PITPNC1: variants seen among roughly 807,000 people sequenced by gnomAD.
PITPNC1 encodes phosphatidylinositol transfer protein cytoplasmic 1, also known as cytoplasmic phosphatidylinositol transfer protein 1.
PITPNC1 carries 18 observed loss-of-function variants against 44.7 expected under a neutral mutation model. That is an observed-to-expected ratio of 0.40 (90% CI 0.28 to 0.60). The LOEUF (loss-of-function observed/expected upper bound fraction) is 0.60. Among genes scored for constraint, PITPNC1 ranks in the 20% least tolerant of loss-of-function variants. PITPNC1 has a pLI of 0.39. For synonymous variants in PITPNC1, 141 were observed against 149.6 expected, an observed-to-expected ratio of 0.94 and a Z score of 0.42; for missense variants, 290 against 418.4, an observed-to-expected ratio of 0.69 and a Z score of 2.68.
chr17:67,654,737 A>G (rs970779494), intron 6 of PITPNC1, among the ~76,000 whole-genome samples: 2 of 152,124 alleles, frequency 1.3e-5, no homozygotes, highest in African/African-American at 4.8e-5. Context: ...GGTTCAAGTG[A>G]TTCTCCTGCC....
intron 1 of PITPNC1, among the ~76,000 whole-genome samples, chr17:67,490,204 T>A (rs1470236428): frequency 1.3e-5 from 2 of 150,792 alleles, no homozygotes; most frequent in Non-Finnish European, 2.9e-5. Flanking sequence ...GAGCTAAGAA[T>A]GAGGAATGAG....
At chr17:67,609,168 G>A (rs1329795171) in intron 5 of PITPNC1, among the ~76,000 whole-genome samples, 3 of 150,894 alleles carry the variant, frequency 2.0e-5, no homozygotes, top group African/African-American at 7.3e-5. Context: ...AGCCTTCCCT[G>A]TATTTTATTT....
In PITPNC1 at chr17:67,545,223, G is replaced by A. The variant is rs191912596; in HGVS notation, c.198-7034G>A. ...GCTACTCAGGAGGCTGAGGCAGGAG[G>A]ACTGCTTGAGCCCAAGGGTTCAGGG... On this transcript the variant is annotated intron_variant, in intron 2 of 8. Coordinates refer to ENST00000581322, the MANE Select transcript of PITPNC1 (RefSeq NM_012417.4). Among the ~76,000 whole-genome samples, 190 of 152,076 alleles carry A rather than the reference G, an allele frequency of 1.2e-3. 1 individual carries two copies. The highest frequency in any genetic ancestry group is 4.1e-3 in the African/African-American group (169 of 41,500).
At chr17:67,467,032 AG>A (rs998312540) in intron 1 of PITPNC1, among the ~76,000 whole-genome samples, 2 of 150,056 alleles carry the variant, frequency 1.3e-5, no homozygotes, top group African/African-American at 4.9e-5. Context: ...TTAGCTGAAA[AG>A]GGACCTGAGC....
chr17:67,553,677 GTC>G, intron 4 of PITPNC1, 60 bp downstream of exon 4: 1 of 650,226 alleles, frequency 1.5e-6, no homozygotes, highest in Non-Finnish European at 2.6e-6. Context: ...TAATTGGAAT[GTC>G]TCTTGTATTA....
chr17:67,654,147 G>C (rs2042238262), intron 6 of PITPNC1, among the ~76,000 whole-genome samples: 1 of 152,196 alleles, frequency 6.6e-6, no homozygotes, highest in South Asian at 2.1e-4. Flanking sequence ...AAGGGGGAAA[G>C]ACATTGGTAC....
chr17:67,552,554 C>G (rs2040781667), intron 3 of PITPNC1, among the ~76,000 whole-genome samples: 1 of 151,818 alleles, frequency 6.6e-6, no homozygotes, highest in Non-Finnish European at 1.5e-5. Context: ...TTAAGCTAAG[C>G]CATTCCATCT....
intron 4 of PITPNC1, among the ~76,000 whole-genome samples, chr17:67,560,246 T>C (rs17655388): frequency 0.086 from 13,075 of 152,262 alleles, 723 homozygotes; most frequent in Admixed American, 0.14. Context: ...GAAACTTCTC[T>C]TTAGGTCAGA....
chr17:67,624,335 C>T (rs915508469), intron 5 of PITPNC1, among the ~76,000 whole-genome samples: 7 of 151,732 alleles, frequency 4.6e-5, no homozygotes, highest in Admixed American at 3.9e-4. Context: ...CCTCAGCCTC[C>T]TGAGTAGCTG....
intron 1 of PITPNC1, among the ~76,000 whole-genome samples, chr17:67,482,101 A>AC (rs34972389): frequency 0.36 from 54,533 of 151,998 alleles, 9,936 homozygotes; most frequent in Non-Finnish European, 0.38. Flanking sequence ...CTACTGACTG[A>AC]CTAACAGTAA....
At chr17:67,641,328 C>T (rs1053691625) in intron 6 of PITPNC1, among the ~76,000 whole-genome samples, 3 of 152,180 alleles carry the variant, frequency 2.0e-5, no homozygotes, top group South Asian at 2.1e-4. Flanking sequence ...TCACAGACAT[C>T]GCTGTTAAAG....
chr17:67,584,180 A>G (rs1475232930), intron 5 of PITPNC1, among the ~76,000 whole-genome samples: 1 of 152,138 alleles, frequency 6.6e-6, no homozygotes, highest in East Asian at 1.9e-4. Flanking sequence ...CTCCTGGAAA[A>G]TAGGACAGTT....
At chr17:67,685,654 A>G (rs1217760175) in intron 8 of PITPNC1, among the ~76,000 whole-genome samples, 1 of 152,224 alleles carries the variant, frequency 6.6e-6, no homozygotes, top group African/African-American at 2.4e-5. Flanking sequence ...CGCTCTGCCA[A>G]GAGAGTAACA....
chr17:67,677,868 CCTTAGGGACTTCTAATAAAAGA>C (rs1598978756), intron 8 of PITPNC1, among the ~76,000 whole-genome samples: 1 of 151,690 alleles, frequency 6.6e-6, no homozygotes, highest in African/African-American at 2.4e-5. Context: ...CTGCGCCCGG[CCTTAGGGACTTCTAATAAAAGA>C]CTTAGGGACT....
At chr17:67,506,235 C>G (rs1375644466) in intron 1 of PITPNC1, among the ~76,000 whole-genome samples, 2 of 152,154 alleles carry the variant, frequency 1.3e-5, no homozygotes, top group Non-Finnish European at 2.9e-5. Context: ...TGAAGAGACA[C>G]TGCTGAAGAA....
chr17:67,559,912 A>G (rs2040884936), intron 4 of PITPNC1, among the ~76,000 whole-genome samples: 3 of 152,150 alleles, frequency 2.0e-5, no homozygotes, highest in Admixed American at 1.3e-4. Flanking sequence ...ACCCAAAAAC[A>G]AAGAAGATTA....
intron 6 of PITPNC1, among the ~76,000 whole-genome samples, chr17:67,633,753 T>C (rs2041998286): frequency 6.6e-6 from 1 of 152,284 alleles, no homozygotes; most frequent in South Asian, 2.1e-4. Context: ...GGGGCTCTGA[T>C]GATGCGCAGA....
At chr17:67,511,327 G>A (rs1176226130) in intron 1 of PITPNC1, among the ~76,000 whole-genome samples, 1 of 152,112 alleles carries the variant, frequency 6.6e-6, no homozygotes, top group Non-Finnish European at 1.5e-5. Flanking sequence ...ATAAATCTTT[G>A]CACAATTGCA....
chr17:67,640,929 G>A (rs558978013), intron 6 of PITPNC1, among the ~76,000 whole-genome samples: 1 of 152,252 alleles, frequency 6.6e-6, no homozygotes, highest in East Asian at 1.9e-4. Context: ...GGCAAAGGTT[G>A]CAGTGAGCTG....
Sources: gnomAD v4.1 joint callset for allele counts (sites outside exome capture counted in the v4.1 genomes callset) on GRCh38, gnomAD v4.1.1 for gene constraint, MANE v1.5 for transcripts, NCBI Gene and HGNC (gene_info 2026-07-23, HGNC 2026-07-21) for gene names.